Variants in TMEM108 observed in about 807,000 individuals in gnomAD.
The protein encoded by TMEM108 is transmembrane protein 108, also known as cancer/testis antigen 124.
Under a neutral mutation model 35.1 loss-of-function variants are expected in TMEM108, and 12 were observed. The ratio of observed to expected loss-of-function variants is 0.34; its 90% confidence interval spans 0.22 to 0.55. TMEM108 has a LOEUF of 0.55. TMEM108 is among the 20% of genes least tolerant of loss of function. The probability of loss-of-function intolerance (pLI) is 0.89; values close to 1 mark genes in which losing one functional copy is unlikely to be tolerated. For missense variants in TMEM108, 680 were observed against 753.3 expected (o/e 0.90, Z 1.14); for synonymous variants, 287 against 308.6 (o/e 0.93, Z 0.73).
intron 3 of TMEM108, among the ~76,000 whole-genome samples, chr3:133,275,136 T>G (rs1946821470): frequency 6.6e-6 from 1 of 152,128 alleles, no homozygotes; most frequent in African/African-American, 2.4e-5. Flanking sequence ...ACTAAAGGTT[T>G]AGCTCTGACT....
intron 2 of TMEM108, among the ~76,000 whole-genome samples, chr3:133,174,203 C>A (rs1245484640): frequency 6.6e-6 from 1 of 152,248 alleles, no homozygotes; most frequent in African/African-American, 2.4e-5. Context: ...GTGGAGCCCA[C>A]CTCAGCTCAA....
chr3:133,067,469 C>T (rs1943623854), intron 2 of TMEM108, among the ~76,000 whole-genome samples: 1 of 152,182 alleles, frequency 6.6e-6, no homozygotes, highest in South Asian at 2.1e-4. Flanking sequence ...TCATAGCATC[C>T]ATCTAAAGCT....
rs138681884 is a variant in TMEM108, at chr3:133,112,765, C to T, written c.-47+66745C>T. On this transcript the variant is annotated intron_variant, in intron 2 of 5. Coordinates refer to ENST00000321871, the MANE Select transcript of TMEM108 (RefSeq NM_023943.4). ...TGAGAGTAAGTTAATTTGGCTAGTG[C>T]TGCTTTAAGGGAGAAATCAGAGAAT... 2.3e-3 allele frequency among the ~76,000 whole-genome samples: 357 copies of T among 152,198 alleles called. 4 individuals carry two copies. The highest frequency in any genetic ancestry group is 8.2e-3 in the African/African-American group (339 of 41,542).
intron 3 of TMEM108, among the ~76,000 whole-genome samples, chr3:133,271,360 T>C (rs1411219658): frequency 6.6e-6 from 1 of 152,206 alleles, no homozygotes; most frequent in Non-Finnish European, 1.5e-5. Flanking sequence ...TAGAAAAATA[T>C]TAATTTTTTA....
In TMEM108 at chr3:133,390,350, G is replaced by A; in HGVS notation, c.1605+16G>A. 1.2e-6 allele frequency: 2 copies of A among 1,613,148 alleles called. No individual in the cohort carries two copies. Among genetic ancestry groups the A allele is most frequent in the Non-Finnish European group, 8.5e-7 (1 of 1,179,600 alleles). On this transcript the variant is annotated intron_variant, in intron 5 of 5. Transcript: ENST00000321871. Reference sequence around the variant, plus strand: ...AACCTCTGAGGTAATGAGCTTGAAAGTGCTGGCCCCACTGCAGGGAAACCA... The same window carrying A: ...AACCTCTGAGGTAATGAGCTTGAAAATGCTGGCCCCACTGCAGGGAAACCA...
chr3:133,296,969 G>T (rs2107699905), intron 3 of TMEM108, among the ~76,000 whole-genome samples: 1 of 152,274 alleles, frequency 6.6e-6, no homozygotes, highest in African/African-American at 2.4e-5. Context: ...GGATGGTGGT[G>T]GTCTAGTCCC....
chr3:133,216,112 T>C (rs533110514), intron 2 of TMEM108, among the ~76,000 whole-genome samples: 1 of 152,226 alleles, frequency 6.6e-6, no homozygotes, highest in East Asian at 1.9e-4. Context: ...TACTTGCTCT[T>C]CATGTACTTG....
intron 2 of TMEM108, among the ~76,000 whole-genome samples, chr3:133,198,351 A>G (rs1471514820): frequency 6.6e-6 from 1 of 150,966 alleles, no homozygotes; most frequent in Admixed American, 6.6e-5. Flanking sequence ...AGCTTTCTTT[A>G]TACCATTCAG....
At chr3:133,386,687 A>C in intron 4 of TMEM108, 1 of 1,395,850 alleles carries the variant, frequency 7.2e-7, no homozygotes, top group Non-Finnish European at 9.3e-7. Flanking sequence ...CTTTTCAACT[A>C]AATGGGAAAG....
At chr3:133,138,888 A>C (rs1040052244) in intron 2 of TMEM108, among the ~76,000 whole-genome samples, 1 of 151,724 alleles carries the variant, frequency 6.6e-6, no homozygotes, top group Non-Finnish European at 1.5e-5. Context: ...TCTACATTAG[A>C]TATTTGTCCT....
chr3:133,227,293 A>G (rs1178973899), intron 2 of TMEM108, among the ~76,000 whole-genome samples: 2 of 141,448 alleles, frequency 1.4e-5, no homozygotes, highest in Non-Finnish European at 3.0e-5. Context: ...CCTGGGGTTC[A>G]CGCCATTCTC....
At chr3:133,245,284 G>A (rs959371827) in intron 3 of TMEM108, among the ~76,000 whole-genome samples, 2 of 152,150 alleles carry the variant, frequency 1.3e-5, no homozygotes, top group Non-Finnish European at 2.9e-5. Context: ...CAGTGTGCAT[G>A]CTAGGATGTC....
At chr3:133,271,466 T>C (rs945889833) in intron 3 of TMEM108, among the ~76,000 whole-genome samples, 12 of 152,240 alleles carry the variant, frequency 7.9e-5, no homozygotes, top group African/African-American at 2.9e-4. Context: ...TTGAATTCAG[T>C]ATTTCAAAAG....
At chr3:133,360,731 G>A (rs2072321644) in intron 3 of TMEM108, among the ~76,000 whole-genome samples, 1 of 152,134 alleles carries the variant, frequency 6.6e-6, no homozygotes, top group African/African-American at 2.4e-5. Context: ...TCCAAGTGTA[G>A]CCCCAAAGTC....
chr3:133,328,357 A>T (rs778351140), intron 3 of TMEM108, among the ~76,000 whole-genome samples: 13 of 152,342 alleles, frequency 8.5e-5, no homozygotes, highest in Middle Eastern at 3.4e-3. Context: ...TGTCACCTGG[A>T]TGTAAAAGTC....
chr3:133,282,631 C>T (rs1234552167), intron 3 of TMEM108, among the ~76,000 whole-genome samples: 4 of 152,162 alleles, frequency 2.6e-5, no homozygotes, highest in Admixed American at 6.5e-5. Context: ...GTTGAAAACA[C>T]GCCATTGTTT....
intron 2 of TMEM108, among the ~76,000 whole-genome samples, chr3:133,109,972 A>G (rs1480779541): frequency 6.6e-6 from 1 of 152,174 alleles, no homozygotes; most frequent in African/African-American, 2.4e-5. Flanking sequence ...ATTGGTAAGT[A>G]CAGACAGGGC....
chr3:133,157,801 C>T (rs765087187), intron 2 of TMEM108, among the ~76,000 whole-genome samples: 13 of 152,162 alleles, frequency 8.5e-5, no homozygotes, highest in African/African-American at 2.7e-4. Context: ...TGAGGATTTA[C>T]GTGTATCCTG....
intron 2 of TMEM108, among the ~76,000 whole-genome samples, chr3:133,137,247 T>C (rs999452038): frequency 1.3e-5 from 2 of 152,224 alleles, no homozygotes; most frequent in African/African-American, 4.8e-5. Context: ...GCTCAGAGAC[T>C]AAAGACGCCA....
Sources: gnomAD v4.1 joint callset for allele counts (sites outside exome capture counted in the v4.1 genomes callset) on GRCh38, gnomAD v4.1.1 for gene constraint, MANE v1.5 for transcripts, NCBI Gene and HGNC (gene_info 2026-07-23, HGNC 2026-07-21) for gene names.